The following KLHL22 variants were observed in gnomAD, a reference collection of about 807,000 sequenced individuals.
KLHL22 encodes kelch-like protein 22.
Under a neutral mutation model 60.7 loss-of-function variants are expected in KLHL22, and 18 were observed. The ratio of observed to expected loss-of-function variants is 0.30; its 90% CI spans 0.20 to 0.44. KLHL22 has a LOEUF of 0.44. KLHL22 is among the 20% of genes least tolerant of loss of function. The pLI, the probability that KLHL22 is intolerant of heterozygous loss-of-function variation, is 1.00. For synonymous variants in KLHL22, 355 were observed against 354.5 expected (o/e 1.00, Z -0.01); for missense variants, 596 against 852.3 (o/e 0.70, Z 3.74).
At position 20,464,778 on chromosome 22, in the gene KLHL22, C is replaced by A. The variant is rs187622741; in HGVS notation, c.1112+80G>T. ...GCTCATGTGAAAGGCTGGGGGGAAC[C>A]TGACCAGCTCTCTCAGCCCATGACT... is the stretch of plus-strand genomic sequence containing the variant. On this transcript the variant is annotated intron_variant, in intron 4 of 6. Coordinates refer to ENST00000328879, the MANE Select transcript of KLHL22 (RefSeq NM_032775.4). 55 of 869,412 alleles carry A rather than the reference C, an allele frequency of 6.3e-5. No individual in the cohort carries two copies. In the Admixed American group the frequency reaches 1.3e-3, roughly 21 times the overall value. The allele number at this position is 869,412 out of a possible 1,614,324, so 53.9% of individuals were successfully genotyped here.
intron 5 of KLHL22, among the ~76,000 whole-genome samples, chr22:20,455,799 T>C (rs529293347): frequency 5.9e-4 from 90 of 152,332 alleles, no homozygotes; most frequent in African/African-American, 2.1e-3. Flanking sequence ...CACTAGCACG[T>C]AGAGCCACAG....
chr22:20,454,243 C>T (rs2053027992), intron 5 of KLHL22, among the ~76,000 whole-genome samples: 1 of 152,002 alleles, frequency 6.6e-6, no homozygotes, highest in African/African-American at 2.4e-5. Context: ...GCAGGAGGAT[C>T]ACTTGAACCA....
intron 3 of KLHL22, among the ~76,000 whole-genome samples, chr22:20,470,369 G>T (rs549810366): frequency 4.6e-5 from 7 of 150,930 alleles, no homozygotes; most frequent in Non-Finnish European, 8.9e-5. Flanking sequence ...AAAAAAATAG[G>T]CCAGGCGCAG....
chr22:20,446,341 G>A (rs2052860243), intron 6 of KLHL22, 102 bp downstream of exon 6: 1 of 765,490 alleles, frequency 1.3e-6, no homozygotes, highest in African/African-American at 1.7e-5. Flanking sequence ...CTAAAAAATA[G>A]TCTATTTTTA....
chr22:20,494,060 C>G (rs2053730224), intron 1 of KLHL22, among the ~76,000 whole-genome samples: 1 of 126,312 alleles, frequency 7.9e-6, no homozygotes, highest in Non-Finnish European at 1.6e-5. Flanking sequence ...GCCTGGGCGA[C>G]AGAGCCAGAC....
At chr22:20,442,768 C>G (rs1300590188) in intron 6 of KLHL22, among the ~76,000 whole-genome samples, 1 of 152,224 alleles carries the variant, frequency 6.6e-6, no homozygotes, top group Non-Finnish European at 1.5e-5. Context: ...TGGCTGTGCC[C>G]CCATCAGCAT....
chr22:20,476,346 T>C (rs1170742826), intron 2 of KLHL22, among the ~76,000 whole-genome samples: 1 of 151,422 alleles, frequency 6.6e-6, no homozygotes, highest in Non-Finnish European at 1.5e-5. Context: ...GCAGTGGAGA[T>C]GGCAACATTT....
intron 1 of KLHL22, among the ~76,000 whole-genome samples, chr22:20,490,095 G>A (rs1252558978): frequency 6.6e-6 from 1 of 152,166 alleles, no homozygotes; most frequent in African/African-American, 2.4e-5. Context: ...GTCAGGGAGT[G>A]GCCAGTCCCA....
In KLHL22 at chr22:20,495,432, C is replaced by T. The variant is rs2053753849; in HGVS notation, c.-34+328G>A. On this transcript the variant is annotated intron_variant, in intron 1 of 6. Coordinates refer to ENST00000328879, the MANE Select transcript of KLHL22 (RefSeq NM_032775.4). This position sits in a 1 kb window ranked among gnomAD's most constrained non-coding sequence, Gnocchi z 4.6. ...CGCGGCCAGGAAGGCCGCATTCGGA[C>T]CTGCCGCAGGCAACAGGGCCCGCCC... Among the ~76,000 whole-genome samples, 1 of 152,064 alleles carries T rather than the reference C, an allele frequency of 6.6e-6. No homozygotes were observed. The highest frequency in any genetic ancestry group is 1.5e-5 in the Non-Finnish European group (1 of 67,990).
At chr22:20,486,813 C>G (rs2053593940) in intron 2 of KLHL22, among the ~76,000 whole-genome samples, 1 of 151,860 alleles carries the variant, frequency 6.6e-6, no homozygotes, top group Non-Finnish European at 1.5e-5. Flanking sequence ...TCCTGAGTAG[C>G]TGGGATTACA....
chr22:20,493,652 G>A (rs2053724569), intron 1 of KLHL22, among the ~76,000 whole-genome samples: 1 of 151,828 alleles, frequency 6.6e-6, no homozygotes, highest in South Asian at 2.1e-4. Context: ...CATGGTGGTA[G>A]GTGCCTATAA....
At chr22:20,456,904 T>G (rs1204077868) in intron 5 of KLHL22, among the ~76,000 whole-genome samples, 1 of 152,214 alleles carries the variant, frequency 6.6e-6, no homozygotes, top group Non-Finnish European at 1.5e-5. Context: ...CCTGAGGCAG[T>G]GCAGGTAGAA....
At chr22:20,483,463 T>C (rs980832541) in intron 2 of KLHL22, 1 of 759,118 alleles carries the variant, frequency 1.3e-6, no homozygotes, top group African/African-American at 1.7e-5. Context: ...TTCATGGTTC[T>C]TCTTCATGAA....
At position 20,488,966 on chromosome 22, in the gene KLHL22, ACAG is replaced by A; in HGVS notation, c.227+16_227+18del. On this transcript the variant is annotated intron_variant, in intron 2 of 6. Transcript: ENST00000328879. ...ATTACCTTTGTTATTCTTCTTACAA[ACAG>A]CTCTAGTGAACTCACCTGAAGTAAT... 1.2e-6 allele frequency: 2 copies of A among 1,609,526 alleles called. No homozygotes were observed. Among genetic ancestry groups the A allele is most frequent in the Non-Finnish European group, 1.7e-6 (2 of 1,177,018 alleles).
intron 5 of KLHL22, chr22:20,450,842 T>C (rs2052965264): frequency 6.3e-7 from 1 of 1,589,496 alleles, no homozygotes; most frequent in Non-Finnish European, 8.6e-7. Flanking sequence ...GAGCCTTTCA[T>C]CCACTATGGT....
chr22:20,468,046 A>T (rs1174241850), intron 3 of KLHL22, among the ~76,000 whole-genome samples: 1 of 152,224 alleles, frequency 6.6e-6, no homozygotes, highest in Non-Finnish European at 1.5e-5. Context: ...TGACATGCTA[A>T]GAGCTGGATG....
rs199710173 is a variant in KLHL22 at position 20,446,414 on chromosome 22, G to A, written c.1539+29C>T. On this transcript the variant is annotated intron_variant, in intron 6 of 6. Transcript: ENST00000328879. Reference sequence around the variant, plus strand: ...AACTGAGAGGCTTGGGAATGATGACGGGTGTGGACTGCCCCGGGCCCCACT... The same window carrying A: ...AACTGAGAGGCTTGGGAATGATGACAGGTGTGGACTGCCCCGGGCCCCACT... The A allele has an allele frequency of 1.8e-5, 22 of 1,215,298 alleles. No homozygotes were observed. In the East Asian group the frequency reaches 2.1e-4, roughly 12 times the overall value. The allele number at this position is 1,215,298 out of a possible 1,614,324, so 75.3% of individuals were successfully genotyped here.
chr22:20,471,496 A>G lies in KLHL22; in HGVS notation c.247T>C (p.Leu83=). 1.9e-6 allele frequency: 3 copies of G among 1,613,894 alleles called. No individual in the cohort carries two copies. The highest frequency in any genetic ancestry group is 2.5e-6 in the Non-Finnish European group (3 of 1,179,886). Residue 83 remains leucine (L), a synonymous_variant, in exon 3 of 7, where the codon TTG becomes CTG. Coordinates refer to ENST00000328879, the MANE Select transcript of KLHL22 (RefSeq NM_032775.4). ...DYFRGMFAGG[L]KEMEQEEVLI... ...ACCTCTTCCTGTTCCATCTCCTTCA[A>G]TCCCCCAGCAAACATTCCTCTGCAA...
intron 2 of KLHL22, among the ~76,000 whole-genome samples, chr22:20,484,629 G>A (rs2053557537): frequency 6.6e-6 from 1 of 151,756 alleles, no homozygotes; most frequent in Admixed American, 6.6e-5. Flanking sequence ...ATGGGGTTTC[G>A]TCACGTTGCC....
Sources: allele counts gnomAD v4.1 joint callset (sites outside exome capture counted in the v4.1 genomes callset), GRCh38; gene constraint gnomAD v4.1.1; non-coding constraint Gnocchi (gnomAD v3.1); transcripts MANE v1.5; gene names NCBI Gene and HGNC (gene_info 2026-07-23, HGNC 2026-07-21).